The following KLF8 variants were observed in gnomAD, a reference collection of about 807,000 sequenced individuals.
KLF8 encodes Krueppel-like factor 8.
Under a neutral mutation model 18.2 loss-of-function variants are expected in KLF8, and 10 were observed. The observed-to-expected ratio is 0.55, with a 90% CI of 0.34 to 0.93. KLF8 has a LOEUF of 0.93. KLF8 is among the 40% of genes least tolerant of loss of function. The pLI is 0.02. For synonymous variants in KLF8, 109 were observed against 97.3 expected, an observed-to-expected ratio of 1.12 and a Z score of -0.71; for missense variants, 264 against 277.9, an observed-to-expected ratio of 0.95 and a Z score of 0.36.
chrX:56,273,074 TTC>T (rs2067077200), intron 5 of KLF8, among the ~76,000 whole-genome samples: 1 of 112,048 alleles, frequency 8.9e-6, no homozygotes, highest in African/African-American at 3.2e-5. Flanking sequence ...GAGTTTTCTT[TTC>T]TTTCTTTTAA....
intron 1 of KLF8, among the ~76,000 whole-genome samples, chrX:56,234,439 T>C (rs1356772577): frequency 8.9e-6 from 1 of 112,024 alleles, no homozygotes; most frequent in Non-Finnish European, 1.9e-5. Context: ...TGTATCTTAG[T>C]TCAACTTCCC....
the KLF8 span, among the ~76,000 whole-genome samples, chrX:55,944,184 C>T: frequency 9.2e-6 from 1 of 109,204 alleles, no homozygotes; most frequent in Non-Finnish European, 1.9e-5. Flanking sequence ...ATGAAGCCCA[C>T]TTGATCATGG....
the KLF8 span, among the ~76,000 whole-genome samples, chrX:56,168,028 A>C: frequency 8.9e-6 from 1 of 112,025 alleles, no homozygotes; most frequent in African/African-American, 3.2e-5. Flanking sequence ...GATTTTTATC[A>C]ATTTGAAAAG....
chrX:56,137,055 A>T, the KLF8 span, among the ~76,000 whole-genome samples: 4 of 111,193 alleles, frequency 3.6e-5, no homozygotes, highest in Admixed American at 3.8e-4. Context: ...CCACAATGAG[A>T]TACCATCTCA....
chrX:56,250,921 A>G (rs987974950), intron 2 of KLF8, among the ~76,000 whole-genome samples: 1 of 112,183 alleles, frequency 8.9e-6, no homozygotes, highest in African/African-American at 3.2e-5. Context: ...TCTTTGTTTT[A>G]AAAACTAAGG....
At chrX:56,187,223 C>T in the KLF8 span, among the ~76,000 whole-genome samples, 1 of 111,562 alleles carries the variant, frequency 9.0e-6, no homozygotes, top group Non-Finnish European at 1.9e-5. Flanking sequence ...TACAAACTAC[C>T]ATCAGAGAAT....
the KLF8 span, among the ~76,000 whole-genome samples, chrX:56,081,580 C>T: frequency 8.9e-6 from 1 of 111,868 alleles, no homozygotes; most frequent in African/African-American, 3.2e-5. Context: ...AAACTTTTGT[C>T]TTTCACTTTT....
intron 5 of KLF8, among the ~76,000 whole-genome samples, chrX:56,274,510 T>C (rs1477077986): frequency 2.7e-5 from 3 of 111,944 alleles, no homozygotes; most frequent in Non-Finnish European, 5.6e-5. Context: ...AAGATTTTTT[T>C]AACTTTATGG....
the KLF8 span, among the ~76,000 whole-genome samples, chrX:56,096,443 A>C: frequency 2.7e-5 from 3 of 111,645 alleles, no homozygotes; most frequent in Admixed American, 9.6e-5. Flanking sequence ...AATCCATGAA[A>C]ATTTTAAAAA....
At chrX:56,181,516 C>G in the KLF8 span, among the ~76,000 whole-genome samples, 1 of 111,554 alleles carries the variant, frequency 9.0e-6, no homozygotes, top group Non-Finnish European at 1.9e-5. Flanking sequence ...ATGATGTTAG[C>G]TGGTTAGTTT....
chrX:55,968,607 T>A, the KLF8 span, among the ~76,000 whole-genome samples: 1 of 111,392 alleles, frequency 9.0e-6, no homozygotes, highest in South Asian at 3.8e-4. Context: ...TGGGGGTGGG[T>A]TTTTTCCATG....
the KLF8 span, among the ~76,000 whole-genome samples, chrX:56,162,329 T>C: frequency 1.8e-5 from 2 of 111,993 alleles, no homozygotes; most frequent in South Asian, 3.7e-4. Flanking sequence ...CTGCAGAGTT[T>C]TCTGCTGCCT....
chrX:56,168,246 C>A, the KLF8 span, among the ~76,000 whole-genome samples: 131 of 112,109 alleles, frequency 1.2e-3, 1 homozygote, highest in African/African-American at 4.1e-3. Context: ...GAATCAGTTG[C>A]ATTTTCACAC....
the KLF8 span, among the ~76,000 whole-genome samples, chrX:56,077,078 C>G: frequency 9.0e-6 from 1 of 111,355 alleles, no homozygotes; most frequent in East Asian, 2.8e-4. Context: ...AAATTTTCTC[C>G]CATTTTGTAG....
the KLF8 span, among the ~76,000 whole-genome samples, chrX:56,018,294 C>T: frequency 9.0e-6 from 1 of 111,019 alleles, no homozygotes; most frequent in African/African-American, 3.3e-5. Flanking sequence ...ATTTGTCTCT[C>T]GGTGCCTTAC....
chrX:56,237,399 ATG>A (rs748941653), intron 1 of KLF8, among the ~76,000 whole-genome samples: 1,904 of 106,338 alleles, frequency 0.018, 42 homozygotes, highest in African/African-American at 0.062. Flanking sequence ...TTATATATAT[ATG>A]TGTGTGTGTG....
chrX:56,279,814 A>G (rs1042988891), intron 5 of KLF8, among the ~76,000 whole-genome samples: 8 of 112,053 alleles, frequency 7.1e-5, no homozygotes, highest in Non-Finnish European at 1.5e-4. Flanking sequence ...GAATTTGCCA[A>G]TAGTTACACA....
At chrX:56,035,701 C>G in the KLF8 span, among the ~76,000 whole-genome samples, 1 of 111,788 alleles carries the variant, frequency 8.9e-6, no homozygotes, top group African/African-American at 3.2e-5. Flanking sequence ...ATTTGCATTT[C>G]TTTGATGATT....
At chrX:56,047,784 A>T in the KLF8 span, among the ~76,000 whole-genome samples, 1 of 111,383 alleles carries the variant, frequency 9.0e-6, no homozygotes, top group African/African-American at 3.3e-5. Flanking sequence ...TATGCCTAGT[A>T]ATGGGATGGC....
Sources: gnomAD v4.1 joint callset for allele counts (sites outside exome capture counted in the v4.1 genomes callset) on GRCh38, gnomAD v4.1.1 for gene constraint, MANE v1.5 for transcripts, NCBI Gene and HGNC (gene_info 2026-07-23, HGNC 2026-07-21) for gene names.